The following CAMKMT variants were observed in gnomAD, a reference collection of about 807,000 sequenced individuals.
CAMKMT encodes CaM KMT.
CAMKMT carries 53 observed loss-of-function variants against 48.0 expected under a neutral mutation model. That is an observed-to-expected ratio of 1.10 (90% CI 0.89 to 1.39). CAMKMT has a LOEUF of 1.39. Ranked by LOEUF, CAMKMT falls within the 40% of genes most tolerant of loss-of-function variation. CAMKMT has a pLI of 0.00. For synonymous variants in CAMKMT, 165 were observed against 152.3 expected, an observed-to-expected ratio of 1.08 and a Z score of -0.61; for missense variants, 428 against 402.7, an observed-to-expected ratio of 1.06 and a Z score of -0.54.
At chr2:44,636,836 A>C (rs967101606) in intron 3 of CAMKMT, among the ~76,000 whole-genome samples, 2 of 152,102 alleles carry the variant, frequency 1.3e-5, no homozygotes, top group Admixed American at 6.6e-5. Flanking sequence ...TTTCCCCCCA[A>C]CTTTGATTTT....
At chr2:44,687,987 T>C (rs1039962483) in intron 3 of CAMKMT, among the ~76,000 whole-genome samples, 1 of 152,248 alleles carries the variant, frequency 6.6e-6, no homozygotes, top group African/African-American at 2.4e-5. Context: ...TTTTCACAAC[T>C]GGTAATCATT....
chr2:44,570,387 G>A (rs1217197285), intron 3 of CAMKMT, among the ~76,000 whole-genome samples: 1 of 152,094 alleles, frequency 6.6e-6, no homozygotes, highest in African/African-American at 2.4e-5. Context: ...ATTTATGACT[G>A]AACTATGATG....
chr2:44,552,713 A>G (rs990398586), intron 3 of CAMKMT, among the ~76,000 whole-genome samples: 1 of 152,214 alleles, frequency 6.6e-6, no homozygotes, highest in Non-Finnish European at 1.5e-5. Context: ...AGATACAGAG[A>G]GGCTTAAGTA....
intron 3 of CAMKMT, among the ~76,000 whole-genome samples, chr2:44,632,255 A>G (rs1279777087): frequency 6.6e-6 from 1 of 152,158 alleles, no homozygotes; most frequent in Non-Finnish European, 1.5e-5. Flanking sequence ...TCTGCTAGTA[A>G]TATCATCTTT....
intron 3 of CAMKMT, among the ~76,000 whole-genome samples, chr2:44,438,683 G>A (rs923895401): frequency 6.6e-6 from 1 of 152,074 alleles, no homozygotes; most frequent in African/African-American, 2.4e-5. Context: ...CTACTCAGGT[G>A]TGTGTTTTTT....
intron 8 of CAMKMT, among the ~76,000 whole-genome samples, chr2:44,749,272 G>A (rs1193695025): frequency 1.3e-5 from 2 of 152,142 alleles, no homozygotes; most frequent in African/African-American, 2.4e-5. Context: ...TCATCAGATC[G>A]GAAGAGAACC....
At chr2:44,558,007 T>C (rs573399237) in intron 3 of CAMKMT, among the ~76,000 whole-genome samples, 4 of 152,196 alleles carry the variant, frequency 2.6e-5, no homozygotes, top group African/African-American at 9.6e-5. Context: ...TCAACTGCAA[T>C]ACTATTGTGA....
chr2:44,644,078 A>G (rs1403352737), intron 3 of CAMKMT, among the ~76,000 whole-genome samples: 2 of 152,198 alleles, frequency 1.3e-5, no homozygotes, highest in Admixed American at 6.5e-5. Context: ...TTTAACTAAC[A>G]TGACTATGAT....
chr2:44,598,674 T>C (rs1448181966), intron 3 of CAMKMT, among the ~76,000 whole-genome samples: 5 of 69,364 alleles, frequency 7.2e-5, no homozygotes, highest in Non-Finnish European at 1.4e-4. Context: ...AAGAACCTAA[T>C]TTGCAGCAAG....
intron 3 of CAMKMT, among the ~76,000 whole-genome samples, chr2:44,433,520 T>A (rs1355747995): frequency 6.6e-6 from 1 of 152,174 alleles, no homozygotes. Flanking sequence ...AATGGAAGTG[T>A]CTGACATTAT....
intron 3 of CAMKMT, among the ~76,000 whole-genome samples, chr2:44,693,764 A>C (rs759711458): frequency 9.2e-5 from 14 of 152,244 alleles, no homozygotes; most frequent in Non-Finnish European, 1.6e-4. Context: ...GGAAGCTTCC[A>C]TACTCATTCC....
At chr2:44,544,204 CTG>C (rs1027106670) in intron 3 of CAMKMT, among the ~76,000 whole-genome samples, 4 of 152,046 alleles carry the variant, frequency 2.6e-5, no homozygotes, top group African/African-American at 7.2e-5. Flanking sequence ...AATTCTTTTC[CTG>C]TGTCAATGAT....
chr2:44,706,794 G>A (rs939615493), intron 5 of CAMKMT, among the ~76,000 whole-genome samples: 1 of 151,906 alleles, frequency 6.6e-6, no homozygotes, highest in African/African-American at 2.4e-5. Context: ...ATTCAGGAAC[G>A]TCGTTCCCCA....
At chr2:44,660,401 C>A (rs548449750) in intron 3 of CAMKMT, among the ~76,000 whole-genome samples, 2 of 152,324 alleles carry the variant, frequency 1.3e-5, no homozygotes, top group Admixed American at 6.5e-5. Flanking sequence ...ACTTTGAGAA[C>A]TGCTGCTGTA....
At chr2:44,730,176 A>G (rs1300019200) in intron 7 of CAMKMT, among the ~76,000 whole-genome samples, 2 of 152,196 alleles carry the variant, frequency 1.3e-5, no homozygotes, top group Non-Finnish European at 2.9e-5. Flanking sequence ...TGGGGAGCTT[A>G]AAGCGTGAGT....
intron 2 of CAMKMT, among the ~76,000 whole-genome samples, chr2:44,387,657 T>C (rs1392293218): frequency 2.6e-5 from 4 of 152,214 alleles, no homozygotes; most frequent in East Asian, 1.9e-4. Flanking sequence ...GGTTCTACTT[T>C]GATGTGTTTC....
Position 44,606,642 on chromosome 2 carries a change from GTTGT to G in CAMKMT, c.377-97634_377-97631del, listed in dbSNP as rs2103878518. 1.3e-5 allele frequency among the ~76,000 whole-genome samples: 2 copies of G among 152,058 alleles called. 1 individual carries two copies. Among genetic ancestry groups the G allele is most frequent in the Admixed American group, 1.3e-4 (2 of 15,280 alleles). On this transcript the variant is annotated intron_variant, in intron 3 of 10. Transcript: ENST00000378494. ...ATGGTAGTGATAATAGATATTTTTTGTTGTTTGTTTTTATCATGTTCTTACCTTA... is the reference window on the plus strand; with the variant it reads ...ATGGTAGTGATAATAGATATTTTTTGTTGTTTTTATCATGTTCTTACCTTA...
chr2:44,750,618 A>G (rs960211187), intron 8 of CAMKMT, among the ~76,000 whole-genome samples: 5 of 152,240 alleles, frequency 3.3e-5, no homozygotes, highest in East Asian at 1.9e-4. Context: ...CACTATCACT[A>G]TAGTGACTAC....
intron 3 of CAMKMT, among the ~76,000 whole-genome samples, chr2:44,678,801 C>A (rs1406139933): frequency 1.3e-5 from 2 of 152,154 alleles, no homozygotes; most frequent in African/African-American, 2.4e-5. Context: ...TCTTATGAGT[C>A]CTGAAAGTGG....
Sources: gnomAD v4.1 joint callset for allele counts (sites outside exome capture counted in the v4.1 genomes callset) on GRCh38, gnomAD v4.1.1 for gene constraint, MANE v1.5 for transcripts, NCBI Gene and HGNC (gene_info 2026-07-23, HGNC 2026-07-21) for gene names.